Variants in PRKN observed in about 807,000 individuals in gnomAD.
PRKN encodes the protein E3 ubiquitin-protein ligase parkin.
A neutral mutation model predicts 59.5 loss-of-function variants in PRKN; 56 were observed. The observed-to-expected ratio is 0.94, with a 90% CI of 0.76 to 1.18. The LOEUF is 1.18. Ranked by LOEUF, PRKN falls within the 50% of genes most tolerant of loss-of-function variation. The pLI is 0.00. For missense variants in PRKN, 657 were observed against 596.4 expected (o/e 1.10, Z -1.06); for synonymous variants, 250 against 222.1 (o/e 1.13, Z -1.12).
At chr6:162,707,699 T>C (rs970879069) in intron 1 of PRKN, among the ~76,000 whole-genome samples, 1 of 152,166 alleles carries the variant, frequency 6.6e-6, no homozygotes, top group African/African-American at 2.4e-5. Flanking sequence ...CTCAGCCTCC[T>C]GAGTAGCTGG....
At chr6:161,844,732 C>T (rs1359260088) in intron 6 of PRKN, among the ~76,000 whole-genome samples, 2 of 152,212 alleles carry the variant, frequency 1.3e-5, no homozygotes, top group Admixed American at 1.3e-4. Flanking sequence ...AATGTCAATG[C>T]AAAACAGAAG....
intron 9 of PRKN, among the ~76,000 whole-genome samples, chr6:161,539,214 T>C (rs1485360189): frequency 2.6e-5 from 4 of 152,254 alleles, no homozygotes; most frequent in African/African-American, 9.6e-5. Context: ...TGTAATTTAA[T>C]TAAAACATCA....
chr6:161,775,465 A>G (rs1462601918), intron 7 of PRKN, among the ~76,000 whole-genome samples: 1 of 152,098 alleles, frequency 6.6e-6, no homozygotes, highest in South Asian at 2.1e-4. Context: ...GCTAGCCTCA[A>G]ATTCCTAGGC....
chr6:161,705,934 G>C (rs562917180), intron 7 of PRKN, among the ~76,000 whole-genome samples: 1 of 151,860 alleles, frequency 6.6e-6, no homozygotes, highest in South Asian at 2.1e-4. Flanking sequence ...CTCTTCAATG[G>C]CTCTTCACTG....
intron 2 of PRKN, among the ~76,000 whole-genome samples, chr6:162,312,262 C>T (rs971379860): frequency 1.3e-5 from 2 of 152,074 alleles, no homozygotes; most frequent in Non-Finnish European, 2.9e-5. Flanking sequence ...TTTGGCTTTT[C>T]CTTGACCAGT....
At chr6:162,647,843 A>C (rs2128225894) in intron 1 of PRKN, among the ~76,000 whole-genome samples, 1 of 148,264 alleles carries the variant, frequency 6.7e-6, no homozygotes, top group South Asian at 2.1e-4. Context: ...TTTATCTATC[A>C]CTCCTCTATT....
At chr6:162,299,896 C>A (rs965417834) in intron 2 of PRKN, among the ~76,000 whole-genome samples, 1 of 152,112 alleles carries the variant, frequency 6.6e-6, no homozygotes, top group Non-Finnish European at 1.5e-5. Flanking sequence ...TGTTTCCATG[C>A]AGAAAATCCT....
chr6:162,395,930 G>C (rs534698924), intron 2 of PRKN, among the ~76,000 whole-genome samples: 9 of 152,306 alleles, frequency 5.9e-5, no homozygotes, highest in Admixed American at 2.0e-4. Flanking sequence ...CTAAGTTGTA[G>C]AACTCAGGCA....
rs372120241 is a variant in PRKN at position 161,907,813 on chromosome 6, T to C, written c.734+65489A>G. ...GAATTTCCGGCGAGGCGCAGGGGCT[T>C]ATGCCTATCGTCCCAGCACTTTGGG... On this transcript the variant is annotated intron_variant, in intron 6 of 11. Transcript: ENST00000366898. Among the ~76,000 whole-genome samples the C allele has an allele frequency of 1.1e-3, 173 of 152,242 alleles. 1 individual carries two copies. The highest frequency in any genetic ancestry group is 3.9e-3 in the African/African-American group (164 of 41,540).
chr6:161,427,770 G>A (rs1158378592), intron 9 of PRKN, among the ~76,000 whole-genome samples: 1 of 152,136 alleles, frequency 6.6e-6, no homozygotes, highest in Non-Finnish European at 1.5e-5. Context: ...CATGTATCAA[G>A]TGTCATGGAA....
chr6:161,356,655 G>A lies in PRKN; in HGVS notation c.1285+3433C>T, dbSNP rs1476631908. ...CGGGGATTGAATGCAGGGTGAGGAA[G>A]AGCATGGAATGAAGGATGAGCTTTA... On this transcript the variant is annotated intron_variant, in intron 11 of 11. Coordinates refer to ENST00000366898, the MANE Select transcript of PRKN (RefSeq NM_004562.3). This position sits in a 1 kb window ranked among gnomAD's most constrained non-coding sequence, Gnocchi z 7.8. 6.6e-6 allele frequency among the ~76,000 whole-genome samples: 1 copy of A among 152,176 alleles called. No individual in the cohort carries two copies. The highest frequency in any genetic ancestry group is 1.5e-5 in the Non-Finnish European group (1 of 68,034).
chr6:162,567,785 C>G (rs1340749489), intron 1 of PRKN, among the ~76,000 whole-genome samples: 2 of 152,138 alleles, frequency 1.3e-5, no homozygotes, highest in Non-Finnish European at 2.9e-5. Context: ...TACATGGCAC[C>G]ACAAAAGACC....
chr6:161,687,997 A>G (rs938145165), intron 7 of PRKN, among the ~76,000 whole-genome samples: 3 of 151,976 alleles, frequency 2.0e-5, no homozygotes, highest in Admixed American at 6.6e-5. Context: ...CATATCTCCA[A>G]TCCACACAGA....
At chr6:161,583,691 G>A (rs1781426468) in intron 7 of PRKN, among the ~76,000 whole-genome samples, 1 of 151,932 alleles carries the variant, frequency 6.6e-6, no homozygotes, top group South Asian at 2.1e-4. Flanking sequence ...ATACACATAG[G>A]ATATTAAGGA....
At chr6:161,542,610 T>C (rs1221838709) in intron 9 of PRKN, among the ~76,000 whole-genome samples, 1 of 152,248 alleles carries the variant, frequency 6.6e-6, no homozygotes, top group Non-Finnish European at 1.5e-5. Flanking sequence ...TGGACACATG[T>C]CAAATAAACA....
intron 1 of PRKN, among the ~76,000 whole-genome samples, chr6:162,482,402 A>G (rs566916236): frequency 3.3e-5 from 5 of 152,196 alleles, no homozygotes; most frequent in Non-Finnish European, 7.3e-5. Context: ...TTGAAGGCAT[A>G]CAAGAACCTC....
chr6:162,033,510 T>C (rs1783719451), intron 5 of PRKN, among the ~76,000 whole-genome samples: 1 of 152,132 alleles, frequency 6.6e-6, no homozygotes, highest in Admixed American at 6.5e-5. Flanking sequence ...AAAAATAATA[T>C]AGATCAATGA....
intron 7 of PRKN, among the ~76,000 whole-genome samples, chr6:161,694,696 G>A (rs949998151): frequency 6.6e-6 from 1 of 152,094 alleles, no homozygotes; most frequent in African/African-American, 2.4e-5. Flanking sequence ...GAATCTTCTT[G>A]GAATCAGTGG....
intron 1 of PRKN, chr6:162,568,618 C>T (rs955105877): frequency 1.8e-5 from 16 of 894,816 alleles, no homozygotes; most frequent in Non-Finnish European, 3.0e-5. Context: ...AACAAGTTTG[C>T]CTCCTTCATA....
Sources: allele counts gnomAD v4.1 joint callset (sites outside exome capture counted in the v4.1 genomes callset), GRCh38; gene constraint gnomAD v4.1.1; non-coding constraint Gnocchi (gnomAD v3.1); transcripts MANE v1.5; gene names NCBI Gene and HGNC (gene_info 2026-07-23, HGNC 2026-07-21).